ZNF624: variants seen among roughly 807,000 people sequenced by gnomAD.
ZNF624 encodes zinc finger protein 624.
In ZNF624, 43 loss-of-function variants were observed where a neutral mutation model predicts 74.7. That is an observed-to-expected ratio of 0.58 (90% confidence interval 0.45 to 0.74). ZNF624 has a LOEUF of 0.74. Ranked by LOEUF, ZNF624 falls within the 30% of genes least tolerant of loss-of-function variation. ZNF624 has a pLI of 0.00. For missense variants in ZNF624, 820 were observed against 1,030.0 expected, an observed-to-expected ratio of 0.80 and a Z score of 2.79; for synonymous variants, 331 against 341.3, an observed-to-expected ratio of 0.97 and a Z score of 0.33.
intron 1 of ZNF624, among the ~76,000 whole-genome samples, chr17:16,651,360 G>A (rs1327622156): frequency 4.6e-5 from 7 of 151,564 alleles, no homozygotes; most frequent in Admixed American, 4.6e-4. Flanking sequence ...AACTTGGGAG[G>A]TGGAGGTTGC....
downstream of ZNF624, chr17:16,617,658 C>G (rs530394035): frequency 1.2e-4 from 198 of 1,605,520 alleles, 1 homozygote; most frequent in South Asian, 2.1e-3. Context: ...GTCGCGATTG[C>G]GACGCGGGCC....
chr17:16,651,953 A>G (rs887522846), intron 1 of ZNF624, among the ~76,000 whole-genome samples: 1 of 152,162 alleles, frequency 6.6e-6, no homozygotes, highest in Non-Finnish European at 1.5e-5. Context: ...TAAATTATAT[A>G]ATGTTTTAGT....
intron 3 of ZNF624, among the ~76,000 whole-genome samples, chr17:16,640,751 A>G (rs762572044): frequency 3.3e-5 from 5 of 152,254 alleles, no homozygotes; most frequent in Non-Finnish European, 7.4e-5. Context: ...AGAAAAGCCT[A>G]GGTTCAAATG....
chr17:16,634,513 C>T lies in ZNF624; in HGVS notation c.280+117G>A, dbSNP rs980112990. 12 of 1,119,262 alleles carry T rather than the reference C, an allele frequency of 1.1e-5. No homozygotes were observed. In the African/African-American group the frequency reaches 1.7e-4, roughly 16 times the overall value. 69.3% of individuals were successfully genotyped at this position (1,119,262 alleles called of 1,614,324 possible). A position where few individuals can be genotyped will look rare whatever the true frequency, so the allele number is the denominator to read the frequency against. ...TAGTTAAGAGTGAGGAATAGCATAA[C>T]CCAACAATGTGCCCCTAAAATCAAG... On this transcript the variant is annotated intron_variant, in intron 4 of 5. Coordinates refer to ENST00000311331, the MANE Select transcript of ZNF624 (RefSeq NM_020787.4).
rs1367443696 is a variant in ZNF624 at position 16,653,828 on chromosome 17, G to A, written c.-67C>T. 2 of 152,818 alleles carry A rather than the reference G, an allele frequency of 1.3e-5. No individual in the cohort carries two copies. Among genetic ancestry groups the A allele is most frequent in the South Asian group, 2.1e-4 (1 of 4,840 alleles). 9.5% of individuals were successfully genotyped at this position (152,818 alleles called of 1,614,324 possible). The stretch of plus-strand genomic sequence containing the variant: ...GCAGGGCGGGAACGCTTCCAGCAAT[G>A]GCGGCGGCTCGGCGGTGCCGGCCTC... On this transcript the variant is annotated 5_prime_UTR_variant, in exon 1 of 6. Transcript: ENST00000311331.
intron 5 of ZNF624, among the ~76,000 whole-genome samples, chr17:16,628,819 CT>C (rs1432654098): frequency 4.6e-5 from 7 of 151,428 alleles, no homozygotes; most frequent in African/African-American, 1.7e-4. Context: ...CCAAATGAAT[CT>C]TCAGCATGAG....
chr17:16,637,403 C>T (rs914956357), intron 3 of ZNF624, among the ~76,000 whole-genome samples: 2 of 152,188 alleles, frequency 1.3e-5, no homozygotes, highest in African/African-American at 4.8e-5. Context: ...GAGCCCACAT[C>T]GCTAAGTCAA....
intron 3 of ZNF624, among the ~76,000 whole-genome samples, chr17:16,639,123 C>T (rs1394340102): frequency 6.6e-6 from 1 of 152,120 alleles, no homozygotes; most frequent in Admixed American, 6.6e-5. Context: ...CAGCTTGTAA[C>T]CTTGTAATCA....
In ZNF624 at chr17:16,633,967, G is replaced by A. The variant is rs1471702698; in HGVS notation, c.281-10C>T. 25 of 1,608,764 alleles carry A rather than the reference G, an allele frequency of 1.6e-5. No individual in the cohort carries two copies. The highest frequency in any genetic ancestry group is 2.0e-5 in the Non-Finnish European group (23 of 1,176,684). ...TTGGAAACTGCAAGCCCTGTCCAGA[G>A]AAAAATAAATAGGATTTGATTGGAG... On this transcript the variant is annotated splice_polypyrimidine_tract_variant and intron_variant, in intron 4 of 5. Coordinates refer to ENST00000311331, the MANE Select transcript of ZNF624 (RefSeq NM_020787.4).
At chr17:16,625,859 C>T (rs995917979) in intron 5 of ZNF624, among the ~76,000 whole-genome samples, 4 of 151,476 alleles carry the variant, frequency 2.6e-5, no homozygotes, top group Admixed American at 6.6e-5. Flanking sequence ...CCTTTTAAAA[C>T]TTGTAATTCA....
At chr17:16,642,996 G>C (rs910056447) in intron 3 of ZNF624, among the ~76,000 whole-genome samples, 1 of 152,168 alleles carries the variant, frequency 6.6e-6, no homozygotes, top group Non-Finnish European at 1.5e-5. Flanking sequence ...CCAATAAGAT[G>C]TGTATAATCA....
chr17:16,629,513 T>C (rs1195778235), intron 5 of ZNF624, among the ~76,000 whole-genome samples: 1 of 152,042 alleles, frequency 6.6e-6, no homozygotes, highest in Non-Finnish European at 1.5e-5. Context: ...TCTGTTTCTG[T>C]ATAGCCAGCA....
chr17:16,635,608 A>G (rs528196009), intron 3 of ZNF624, among the ~76,000 whole-genome samples: 41 of 152,308 alleles, frequency 2.7e-4, no homozygotes, highest in African/African-American at 9.1e-4. Flanking sequence ...CACAAGATAT[A>G]CCCTGAGAAA....
Position 16,649,723 on chromosome 17 carries a change from G to C in ZNF624, c.22C>G (p.Leu8Val). MSLQDST[L>V]SREGKPEGEI... ...CCCTCTGGTTTCCCCTCTCTGGAAAGAGTGGAGTCTTGCAAAGACATACCT... is the reference window on the plus strand; with the variant it reads ...CCCTCTGGTTTCCCCTCTCTGGAAACAGTGGAGTCTTGCAAAGACATACCT... The change falls in exon 2 of 6, where the codon CTT becomes GTT. Residue 8 changes from leucine (L) to valine (V), a missense_variant. Coordinates refer to ENST00000311331, the MANE Select transcript of ZNF624 (RefSeq NM_020787.4). 1 of 1,613,972 alleles carries C rather than the reference G, an allele frequency of 6.2e-7. No individual in the cohort carries two copies. Among genetic ancestry groups the C allele is most frequent in the Non-Finnish European group, 8.5e-7 (1 of 1,179,852 alleles).
At chr17:16,617,133 C>T (rs1908807591), downstream of ZNF624, 1 of 1,613,084 alleles carries the variant, frequency 6.2e-7, no homozygotes, top group African/African-American at 1.3e-5. Flanking sequence ...CAGACTTGGG[C>T]TTAGATTTGC....
intron 3 of ZNF624, among the ~76,000 whole-genome samples, chr17:16,644,137 G>T (rs1260702423): frequency 8.5e-5 from 13 of 152,104 alleles, no homozygotes; most frequent in Admixed American, 8.5e-4. Context: ...GCAGCCTGAG[G>T]CCCTCACAAG....
downstream of ZNF624, among the ~76,000 whole-genome samples, chr17:16,618,522 T>A (rs557150003): frequency 1.3e-5 from 2 of 152,178 alleles, no homozygotes; most frequent in South Asian, 4.2e-4. Flanking sequence ...CAACAATGTA[T>A]ATGAAAATGC....
chr17:16,631,384 TA>T (rs1909203883), intron 5 of ZNF624: 1 of 151,960 alleles, frequency 6.6e-6, no homozygotes. Context: ...CAGAAAGTAA[TA>T]AAACTCAAAC....
chr17:16,632,705 A>G (rs1909234475), intron 5 of ZNF624, among the ~76,000 whole-genome samples: 1 of 152,216 alleles, frequency 6.6e-6, no homozygotes, highest in African/African-American at 2.4e-5. Flanking sequence ...TGGATAGACT[A>G]TTGTAACAAC....
Sources: gnomAD v4.1 joint callset for allele counts (sites outside exome capture counted in the v4.1 genomes callset) on GRCh38, gnomAD v4.1.1 for gene constraint, MANE v1.5 for transcripts, NCBI Gene and HGNC (gene_info 2026-07-23, HGNC 2026-07-21) for gene names.